The following SPOCK3 variants were observed in gnomAD, a reference collection of about 807,000 sequenced individuals.
SPOCK3 encodes testican-3.
In SPOCK3, 30 loss-of-function variants were observed where a neutral mutation model predicts 56.6. That is an observed-to-expected ratio of 0.53 (90% CI 0.40 to 0.72). The LOEUF (loss-of-function observed/expected upper bound fraction) is 0.72, where lower values mean the gene tolerates loss of function less well. SPOCK3 is among the 30% of genes least tolerant of loss of function. The pLI is 0.00. For synonymous variants in SPOCK3, 196 were observed against 183.3 expected (o/e 1.07, Z -0.56); for missense variants, 527 against 530.0 (o/e 0.99, Z 0.06).
chr4:167,199,253 G>A (rs1297232068), intron 2 of SPOCK3, among the ~76,000 whole-genome samples: 1 of 151,570 alleles, frequency 6.6e-6, no homozygotes, highest in Non-Finnish European at 1.5e-5. Context: ...GTGTGTGTGT[G>A]TGTGTGTGTA....
At chr4:166,967,496 G>C (rs1201403265) in intron 4 of SPOCK3, among the ~76,000 whole-genome samples, 1 of 152,078 alleles carries the variant, frequency 6.6e-6, no homozygotes, top group Admixed American at 6.6e-5. Context: ...CATAAGATCT[G>C]GTTGTTTAAA....
intron 3 of SPOCK3, among the ~76,000 whole-genome samples, chr4:167,048,182 T>C (rs1040959966): frequency 6.6e-6 from 1 of 151,972 alleles, no homozygotes; most frequent in Non-Finnish European, 1.5e-5. Context: ...TAATTATATA[T>C]TAATTATATT....
chr4:167,205,737 G>A (rs927886547), intron 2 of SPOCK3, among the ~76,000 whole-genome samples: 4 of 145,060 alleles, frequency 2.8e-5, no homozygotes, highest in African/African-American at 7.7e-5. Flanking sequence ...CTCAGCCTCC[G>A]GAGTAGCTGG....
intron 4 of SPOCK3, among the ~76,000 whole-genome samples, chr4:166,960,654 A>G (rs1156264613): frequency 1.3e-5 from 2 of 152,188 alleles, no homozygotes; most frequent in Non-Finnish European, 2.9e-5. Flanking sequence ...CAGTTTAGTG[A>G]GATAAGCTAA....
chr4:167,220,653 T>A (rs550199407), intron 2 of SPOCK3, among the ~76,000 whole-genome samples: 1 of 152,064 alleles, frequency 6.6e-6, no homozygotes, highest in East Asian at 1.9e-4. Flanking sequence ...CTGGAAGTTC[T>A]GGAATTAACA....
chr4:167,205,003 AT>A (rs1410325566), intron 2 of SPOCK3, among the ~76,000 whole-genome samples: 149 of 130,600 alleles, frequency 1.1e-3, no homozygotes, highest in Admixed American at 2.2e-3. Context: ...ATCACCAGCT[AT>A]TTTTTTTTTT....
At chr4:167,148,837 A>G (rs1263131323) in intron 2 of SPOCK3, among the ~76,000 whole-genome samples, 1 of 152,176 alleles carries the variant, frequency 6.6e-6, no homozygotes, top group Non-Finnish European at 1.5e-5. Context: ...AATAATTTGC[A>G]AGGCAAAGTG....
At chr4:166,967,824 G>T (rs1398864819) in intron 4 of SPOCK3, among the ~76,000 whole-genome samples, 1 of 152,124 alleles carries the variant, frequency 6.6e-6, no homozygotes, top group African/African-American at 2.4e-5. Flanking sequence ...AATCTGAGGG[G>T]CTCAAAAAAA....
At chr4:167,106,726 A>G (rs1418835145) in intron 2 of SPOCK3, among the ~76,000 whole-genome samples, 1 of 151,302 alleles carries the variant, frequency 6.6e-6, no homozygotes, top group Non-Finnish European at 1.5e-5. Context: ...TTTTTTTGAA[A>G]AGATAAAATT....
intron 6 of SPOCK3, among the ~76,000 whole-genome samples, chr4:166,864,752 T>C (rs1268796570): frequency 6.6e-6 from 1 of 151,972 alleles, no homozygotes; most frequent in Non-Finnish European, 1.5e-5. Context: ...AATCCCTGAA[T>C]AGACCAATAA....
At chr4:167,205,177 T>G (rs1173941567) in intron 2 of SPOCK3, among the ~76,000 whole-genome samples, 1 of 111,612 alleles carries the variant, frequency 9.0e-6, no homozygotes, top group Non-Finnish European at 1.7e-5. Context: ...ATATATTATA[T>G]ATTATAGATA....
intron 3 of SPOCK3, among the ~76,000 whole-genome samples, chr4:167,019,071 C>T (rs1336834100): frequency 6.6e-6 from 1 of 152,046 alleles, no homozygotes; most frequent in Non-Finnish European, 1.5e-5. Context: ...GCACCCGACA[C>T]ACCACCAACT....
chr4:167,049,770 T>G (rs887810883), intron 3 of SPOCK3, among the ~76,000 whole-genome samples: 1 of 152,154 alleles, frequency 6.6e-6, no homozygotes, highest in Non-Finnish European at 1.5e-5. Context: ...AAACACCTCA[T>G]ATCCTCTCTT....
intron 2 of SPOCK3, among the ~76,000 whole-genome samples, chr4:167,100,282 C>T (rs754412625): frequency 6.6e-5 from 10 of 152,138 alleles, no homozygotes; most frequent in Non-Finnish European, 1.5e-4. Context: ...AACCAGCTGA[C>T]TCTATTCAGT....
chr4:166,902,564 G>A (rs10019784), intron 5 of SPOCK3, among the ~76,000 whole-genome samples: 11,927 of 151,442 alleles, frequency 0.079, 543 homozygotes, highest in Non-Finnish European at 0.1. Flanking sequence ...TCAGAAATAC[G>A]TATGTGTATA....
At chr4:166,790,407 GC>G (rs1226280720) in intron 7 of SPOCK3, among the ~76,000 whole-genome samples, 1 of 152,158 alleles carries the variant, frequency 6.6e-6, no homozygotes, top group Non-Finnish European at 1.5e-5. Flanking sequence ...AGCTGAGGGA[GC>G]CGAGGGACCC....
intron 6 of SPOCK3, among the ~76,000 whole-genome samples, chr4:166,864,968 G>T (rs1031712410): frequency 2.6e-5 from 4 of 152,012 alleles, no homozygotes; most frequent in African/African-American, 9.7e-5. Flanking sequence ...AAACCTGGCA[G>T]ACACATAACA....
At chr4:167,211,037 T>C (rs1734821228) in intron 2 of SPOCK3, among the ~76,000 whole-genome samples, 1 of 152,188 alleles carries the variant, frequency 6.6e-6, no homozygotes, top group African/African-American at 2.4e-5. Context: ...TAATTGATAA[T>C]GACAGAAAAA....
intron 4 of SPOCK3, among the ~76,000 whole-genome samples, chr4:166,962,358 T>C (rs2150058726): frequency 6.6e-6 from 1 of 152,254 alleles, no homozygotes; most frequent in East Asian, 1.9e-4. Flanking sequence ...GCCCTTATTA[T>C]GTCACCCTGG....
Sources: gnomAD v4.1 joint callset for allele counts (sites outside exome capture counted in the v4.1 genomes callset) on GRCh38, gnomAD v4.1.1 for gene constraint, MANE v1.5 for transcripts, NCBI Gene and HGNC (gene_info 2026-07-23, HGNC 2026-07-21) for gene names.